CUX1: variants seen among roughly 807,000 people sequenced by gnomAD.
CUX1 encodes protein CASP.
In CUX1, 31 loss-of-function variants were observed where a neutral mutation model predicts 158.8. That is an observed-to-expected ratio of 0.20 (90% CI 0.15 to 0.26). The LOEUF (loss-of-function observed/expected upper bound fraction) is 0.26. Among genes scored for constraint, CUX1 ranks in the 10% least tolerant of loss-of-function variants. The pLI, the probability that CUX1 is intolerant of heterozygous loss-of-function variation, is 1.00. For missense variants in CUX1, 1,589 were observed against 2,014.6 expected (o/e 0.79, Z 4.04); for synonymous variants, 879 against 862.1 (o/e 1.02, Z -0.34).
intron 14 of CUX1, among the ~76,000 whole-genome samples, chr7:102,271,977 G>C (rs1490228096): frequency 6.6e-6 from 1 of 152,188 alleles, no homozygotes; most frequent in Non-Finnish European, 1.5e-5. Context: ...AGCCGAGATG[G>C]AGCCACTGCA....
chr7:101,837,513 C>T (rs1794754506), intron 1 of CUX1, among the ~76,000 whole-genome samples: 1 of 151,974 alleles, frequency 6.6e-6, no homozygotes, highest in Admixed American at 6.6e-5. Context: ...AACATCTTGC[C>T]AGTTGTTCTA....
intron 1 of CUX1, among the ~76,000 whole-genome samples, chr7:101,823,181 T>G (rs1307348426): frequency 6.6e-6 from 1 of 152,096 alleles, no homozygotes; most frequent in Non-Finnish European, 1.5e-5. Flanking sequence ...ACAAAGTTCG[T>G]CGCCCAATCC....
chr7:102,094,427 A>G lies in CUX1; in HGVS notation c.269-2937A>G, dbSNP rs534376241. On this transcript the variant is annotated intron_variant, in intron 4 of 23. Transcript: ENST00000292535. ...TATGAGATTGCCTGAATTTTCATTT[A>G]CAGTATAAGGCTCTGAAAATTGGTG... Among the ~76,000 whole-genome samples the G allele has an allele frequency of 9.2e-5, 14 of 152,346 alleles. No individual in the cohort carries two copies. In the East Asian group the frequency reaches 2.3e-3, roughly 25 times the overall value.
intron 8 of CUX1, among the ~76,000 whole-genome samples, chr7:102,127,585 T>G (rs1041485793): frequency 2.7e-4 from 24 of 88,454 alleles, no homozygotes; most frequent in South Asian, 6.9e-4. Flanking sequence ...TTTTGTTTTT[T>G]TTTTTACCTG....
intron 2 of CUX1, among the ~76,000 whole-genome samples, chr7:101,922,129 A>G (rs1379957020): frequency 6.6e-6 from 1 of 152,042 alleles, no homozygotes; most frequent in Admixed American, 6.5e-5. Flanking sequence ...AAAAAAAAAA[A>G]TTGGTTTGTA....
chr7:102,060,586 TATATATACACACACACAAATAA>T (rs1481309965), intron 3 of CUX1, among the ~76,000 whole-genome samples: 1,929 of 140,010 alleles, frequency 0.014, 22 homozygotes, highest in African/African-American at 0.041. Flanking sequence ...TATACATATA[TATATATACACACACACAAATAA>T]ACACACACAC....
chr7:101,984,077 C>CCCAAAAAAAA (rs1185648555), intron 2 of CUX1, among the ~76,000 whole-genome samples: 1 of 16,762 alleles, frequency 6.0e-5, no homozygotes, highest in African/African-American at 3.1e-4. Context: ...TGTCCCCCCC[C>CCCAAAAAAAA]AAAAAAAAAA....
intron 3 of CUX1, among the ~76,000 whole-genome samples, chr7:102,034,773 AAAAC>A (rs1821224309): frequency 6.9e-6 from 1 of 145,344 alleles, no homozygotes; most frequent in Non-Finnish European, 1.5e-5. Flanking sequence ...AAAAAATACA[AAAAC>A]AAAAAATTAG....
At chr7:101,996,548 G>A (rs1161325716) in intron 2 of CUX1, among the ~76,000 whole-genome samples, 1 of 151,938 alleles carries the variant, frequency 6.6e-6, no homozygotes, top group African/African-American at 2.4e-5. Flanking sequence ...AGAGGCAGGC[G>A]CACAGTGGTT....
chr7:101,816,818 C>T (rs1791862237), upstream of CUX1: 1 of 559,302 alleles, frequency 1.8e-6, no homozygotes, highest in South Asian at 7.9e-5. Context: ...CGGGCAGGCG[C>T]CCGCGCTCGC....
Position 102,251,085 on chromosome 7 carries a change from T to C in CUX1, c.*2043T>C. On this transcript the variant is annotated 3_prime_UTR_variant, in exon 24 of 24. Transcript: ENST00000292535. ...AGACTGCCGGCAGTATTGGGTATAA[T>C]TTACAAGATGTAGTTGTCATACTGT... 1.0e-6 allele frequency: 1 copy of C among 985,372 alleles called. No individual in the cohort carries two copies. The highest frequency in any genetic ancestry group is 1.2e-6 in the Non-Finnish European group (1 of 829,880). 61.0% of individuals were successfully genotyped at this position (985,372 alleles called of 1,614,324 possible). A position where few individuals can be genotyped will look rare whatever the true frequency, so the allele number is the denominator to read the frequency against.
At chr7:102,160,131 A>G (rs189489929) in intron 9 of CUX1, among the ~76,000 whole-genome samples, 1 of 152,180 alleles carries the variant, frequency 6.6e-6, no homozygotes, top group East Asian at 1.9e-4. Flanking sequence ...CAGTGAACCA[A>G]TCATGCCACC....
chr7:102,121,208 T>C (rs1010236172), intron 8 of CUX1, among the ~76,000 whole-genome samples: 1 of 152,152 alleles, frequency 6.6e-6, no homozygotes, highest in African/African-American at 2.4e-5. Flanking sequence ...CTGTTAGTTA[T>C]TCAGGCTGGA....
intron 1 of CUX1, among the ~76,000 whole-genome samples, chr7:101,912,657 C>G (rs747896324): frequency 3.3e-5 from 5 of 152,202 alleles, no homozygotes; most frequent in African/African-American, 7.2e-5. Context: ...TAATCACAGC[C>G]TATGCGAGCA....
chr7:102,050,266 C>T (rs1328552509), intron 3 of CUX1, among the ~76,000 whole-genome samples: 1 of 152,208 alleles, frequency 6.6e-6, no homozygotes, highest in Non-Finnish European at 1.5e-5. Flanking sequence ...AGAGCAGCGA[C>T]GTTATATGCA....
intron 8 of CUX1, chr7:102,153,448 C>G (rs575873938): frequency 1.3e-5 from 2 of 152,454 alleles, no homozygotes; most frequent in Non-Finnish European, 2.9e-5. Context: ...TCCGCACTCC[C>G]AAGATCAGGG....
In CUX1 at chr7:102,201,726, T is replaced by C. The variant is rs2132035638; in HGVS notation, c.2429T>C (p.Val810Ala). The C allele has an allele frequency of 6.2e-7, 1 of 1,611,664 alleles. No individual in the cohort carries two copies. The highest frequency in any genetic ancestry group is 8.5e-7 in the Non-Finnish European group (1 of 1,179,662). The change falls in exon 18 of 24, where the codon GTG becomes GCG. Residue 810 changes from valine to alanine, a missense_variant. Val to Ala is a moderately conservative substitution (Grantham distance 64). Around this residue, in one of 8 missense-constraint regions of CUX1, gnomAD observed 337 missense variants for 409.3 expected, o/e 0.82. Coordinates refer to ENST00000292535, the MANE Select transcript of CUX1 (RefSeq NM_181552.4). This position sits in a 1 kb window ranked among gnomAD's most constrained non-coding sequence, Gnocchi z 5.0. Reference sequence around the variant, plus strand: ...TGTGCACAAGGGGTCCTGAGACAGGTGAAAAATGAGGTGGGCCGCAGCGGT... The same window carrying C: ...TGTGCACAAGGGGTCCTGAGACAGGCGAAAAATGAGGTGGGCCGCAGCGGT... ...ADCAQGVLRQ[V>A]KNEVGRSGAW...
Position 102,190,393 on chromosome 7 carries a change from C to T in CUX1, c.1076+522C>T, listed in dbSNP as rs376375444. Among the ~76,000 whole-genome samples the T allele has an allele frequency of 5.4e-4, 82 of 152,280 alleles. 1 individual carries two copies. In the East Asian group the frequency reaches 0.015, roughly 28 times the overall value. ...TTCTCAAGCTTCAAAGTTCCTTTCT[C>T]GGCCAGCAGCCCCCACCTCTGCCTC... On this transcript the variant is annotated intron_variant, in intron 12 of 23. Coordinates refer to ENST00000292535, the MANE Select transcript of CUX1 (RefSeq NM_181552.4).
chr7:101,905,843 TTTTC>T (rs935186495), intron 1 of CUX1, among the ~76,000 whole-genome samples: 14 of 152,148 alleles, frequency 9.2e-5, no homozygotes, highest in Admixed American at 5.9e-4. Flanking sequence ...GTGCCCAGTA[TTTTC>T]TTTCTTTCTT....
Sources: allele counts gnomAD v4.1 joint callset (sites outside exome capture counted in the v4.1 genomes callset), GRCh38; gene constraint gnomAD v4.1.1; regional missense constraint gnomAD v4.1.1; non-coding constraint Gnocchi (gnomAD v3.1); transcripts MANE v1.5; gene names NCBI Gene and HGNC (gene_info 2026-07-23, HGNC 2026-07-21).